LRRC43: variants seen among roughly 807,000 people sequenced by gnomAD.
LRRC43 encodes the protein leucine-rich repeat-containing protein 43.
A neutral mutation model predicts 64.3 loss-of-function variants in LRRC43; 62 were observed. The observed-to-expected ratio is 0.96, with a 90% CI of 0.79 to 1.19. The LOEUF (loss-of-function observed/expected upper bound fraction) is 1.19. LRRC43 is among the 50% of genes most tolerant of loss of function. LRRC43 has a pLI of 0.00. For synonymous variants in LRRC43, 422 were observed against 382.3 expected, an observed-to-expected ratio of 1.10 and a Z score of -1.21; for missense variants, 868 against 845.0, an observed-to-expected ratio of 1.03 and a Z score of -0.34.
chr12:122,191,449 T>A lies in LRRC43; in HGVS notation c.971T>A (p.Val324Asp). 6.2e-7 allele frequency: 1 copy of A among 1,614,078 alleles called. No homozygotes were observed. The highest frequency in any genetic ancestry group is 8.5e-7 in the Non-Finnish European group (1 of 1,179,968). The stretch of plus-strand genomic sequence containing the variant: ...ATCAGAGGAGTCCTGGACACCTCTG[T>A]CTTAGACCCGGAACCCAGGCCCGAA... ...GNIRGVLDTS[V>D]LDPEPRPEGP... The change falls in exon 6 of 12, where the codon GTC becomes GAC. Residue 324 changes from valine to aspartate, a missense_variant. Transcript: ENST00000339777.
upstream of LRRC43, among the ~76,000 whole-genome samples, chr12:122,182,452 G>C (rs1953590132): frequency 1.4e-5 from 2 of 147,362 alleles, no homozygotes; most frequent in South Asian, 4.4e-4. Context: ...AATCTGGGAG[G>C]CGGAGGTTGC....
upstream of LRRC43, among the ~76,000 whole-genome samples, chr12:122,181,465 C>T (rs1953580123): frequency 6.6e-6 from 1 of 151,030 alleles, no homozygotes; most frequent in South Asian, 2.1e-4. Context: ...ATGGCGTGAA[C>T]CTGGCAGGCG....
intron 11 of LRRC43, among the ~76,000 whole-genome samples, chr12:122,201,707 G>A (rs1237389361): frequency 6.6e-6 from 1 of 152,196 alleles, no homozygotes; most frequent in Admixed American, 6.5e-5. Context: ...TGAAATGGGT[G>A]CGTCTCAGGT....
Position 122,184,128 on chromosome 12 carries a change from T to C in LRRC43, c.151-391T>C, listed in dbSNP as rs1398769425. On this transcript the variant is annotated intron_variant, in intron 1 of 11. Coordinates refer to ENST00000339777, the MANE Select transcript of LRRC43 (RefSeq NM_001098519.2). This position sits in a 1 kb window ranked among gnomAD's most constrained non-coding sequence, Gnocchi z 4.0. ...TTTTTTTTTTGAGACGGAGTCTCGC[T>C]CTGTCACCCAGCCTGGAGTGCAGTG... 6.7e-6 allele frequency among the ~76,000 whole-genome samples: 1 copy of C among 149,344 alleles called. No individual in the cohort carries two copies. The highest frequency in any genetic ancestry group is 6.7e-5 in the Admixed American group (1 of 14,910).
intron 1 of LRRC43, among the ~76,000 whole-genome samples, chr12:122,171,765 C>T (rs974476531): frequency 1.3e-5 from 2 of 149,612 alleles, no homozygotes; most frequent in South Asian, 2.1e-4. Context: ...GATGGGGTCT[C>T]ACTATGTTGC....
intron 1 of LRRC43, among the ~76,000 whole-genome samples, chr12:122,170,351 G>A (rs897185957): frequency 5.9e-5 from 9 of 152,048 alleles, no homozygotes; most frequent in African/African-American, 1.9e-4. Context: ...CTGCTACGGG[G>A]CCGGGCACGG....
At position 122,200,207 on chromosome 12, in the gene LRRC43, T is replaced by C. The variant is rs377630216; in HGVS notation, c.1368T>C (p.Thr456=). Residue 456 remains threonine, a synonymous_variant, in exon 8 of 12, where the codon ACT becomes ACC. Transcript: ENST00000339777. The surrounding 1 kb of genome is among the most constrained non-coding windows in gnomAD (Gnocchi z 4.6). ...CPSPGTVLFS[T]AHKPWAEVIP... ...CCCCAAGGACTGTCCTCTTCAGCAC[T>C]GCCCACAAGCCCTGGGCTGAGGTCA... 118 of 1,613,988 alleles carry C rather than the reference T, an allele frequency of 7.3e-5. 1 individual carries two copies. The highest frequency in any genetic ancestry group is 1.3e-4 in the South Asian group (12 of 91,068).
At chr12:122,183,349 G>C in intron 1 of LRRC43, 55 bp downstream of exon 1, 4 of 1,388,338 alleles carry the variant, frequency 2.9e-6, no homozygotes, top group Non-Finnish European at 3.7e-6. Flanking sequence ...GGGGAGGCAC[G>C]GGCCCGGGCG....
rs776501344 is a variant in LRRC43 at position 122,183,125 on chromosome 12, C to G, written c.-20C>G. ...CCCGCGCACGCGTCCTAGCGGTTGC[C>G]GGGCAACGCGGCCCGGGCCATGGAG... On this transcript the variant is annotated 5_prime_UTR_variant, in exon 1 of 12. Transcript: ENST00000339777. 4 of 1,530,578 alleles carry G rather than the reference C, an allele frequency of 2.6e-6. No homozygotes were observed. The highest frequency in any genetic ancestry group is 3.5e-6 in the Non-Finnish European group (4 of 1,144,504). 94.8% of individuals were successfully genotyped at this position (1,530,578 alleles called of 1,614,324 possible).
At chr12:122,187,512 C>G in intron 3 of LRRC43, 189 bp from the exon 4 acceptor site, 1 of 548,408 alleles carries the variant, frequency 1.8e-6, no homozygotes, top group South Asian at 2.5e-5. Context: ...GGAAAAGAAA[C>G]TTCCCAAGAC....
intron 2 of LRRC43, among the ~76,000 whole-genome samples, chr12:122,185,435 TGCACTCCA>T (rs1345488960): frequency 1.3e-5 from 2 of 152,154 alleles, no homozygotes; most frequent in African/African-American, 4.8e-5. Flanking sequence ...ATCGCACCGC[TGCACTCCA>T]GCCTGGGTGA....
At position 122,200,916 on chromosome 12, in the gene LRRC43, C is replaced by G. The variant is rs913398545; in HGVS notation, c.1791C>G (p.Asp597Glu). The change falls in exon 10 of 12, where the codon GAC (aspartate) becomes GAG (glutamate). Residue 597 changes from aspartate to glutamate, a missense_variant. Coordinates refer to ENST00000339777, the MANE Select transcript of LRRC43 (RefSeq NM_001098519.2). This position sits in a 1 kb window ranked among gnomAD's most constrained non-coding sequence, Gnocchi z 4.6. ...NFGVVRTLTSDRLTLARDSKK... is the reference protein window; with the variant it reads ...NFGVVRTLTSERLTLARDSKK... ...GCGTGGTCCGCACATTGACATCTGA[C>G]AGGCTGACGTTGGCCAGGGTACAGC... The G allele has an allele frequency of 6.2e-6, 10 of 1,605,102 alleles. No individual in the cohort carries two copies. The African/African-American group carries it at 1.2e-4, about 19-fold the overall frequency.
At chr12:122,185,285 G>A (rs1374096401) in intron 2 of LRRC43, among the ~76,000 whole-genome samples, 1 of 152,090 alleles carries the variant, frequency 6.6e-6, no homozygotes, top group Admixed American at 6.5e-5. Flanking sequence ...GGCCCAGCCT[G>A]GGCAACATAG....
intron 1 of LRRC43, among the ~76,000 whole-genome samples, chr12:122,183,567 G>A (rs921270702): frequency 4.6e-5 from 7 of 152,224 alleles, no homozygotes; most frequent in African/African-American, 1.7e-4. Flanking sequence ...TTTCTAGTGG[G>A]CAGGCTCCTT....
At chr12:122,183,084 T>G (rs77165791), upstream of LRRC43, 211,582 of 1,502,772 alleles carry the variant, frequency 0.14, 16,744 homozygotes, top group Non-Finnish European at 0.16. Context: ...TGAGAGCGCC[T>G]GGAGAGGCCC....
chr12:122,202,111 G>A (rs1048588171), intron 11 of LRRC43: 1 of 152,178 alleles, frequency 6.6e-6, no homozygotes, highest in African/African-American at 2.4e-5. Flanking sequence ...AGAAGTAAAC[G>A]TTGGAGGGCA....
chr12:122,187,561 G>GTTTTTAAA (rs1394763938), intron 3 of LRRC43, 140 bp from the exon 4 acceptor site: 1 of 612,170 alleles, frequency 1.6e-6, no homozygotes, highest in Non-Finnish European at 2.8e-6. Context: ...TTTTAAAAGG[G>GTTTTTAAA]AGTCGGGGTG....
upstream of LRRC43, among the ~76,000 whole-genome samples, chr12:122,181,610 ATT>A (rs369940986): frequency 3.0e-5 from 4 of 135,328 alleles, no homozygotes; most frequent in Non-Finnish European, 3.1e-5. Context: ...TTTTGGATAA[ATT>A]TTTTTTTTTT....
intron 1 of LRRC43, among the ~76,000 whole-genome samples, chr12:122,177,088 A>G (rs538114474): frequency 1.3e-5 from 2 of 152,312 alleles, no homozygotes; most frequent in Non-Finnish European, 2.9e-5. Context: ...GTTTACTGCC[A>G]TAATTATGTT....
Sources: gnomAD v4.1 joint callset for allele counts (sites outside exome capture counted in the v4.1 genomes callset) on GRCh38, gnomAD v4.1.1 for gene constraint, Gnocchi (gnomAD v3.1) non-coding constraint, MANE v1.5 for transcripts, NCBI Gene and HGNC (gene_info 2026-07-23, HGNC 2026-07-21) for gene names.